NAV2: variants seen among roughly 807,000 people sequenced by gnomAD.
The protein encoded by NAV2 is neuron navigator 2, also known as helicase, APC down-regulated 1.
NAV2 carries 54 observed loss-of-function variants against 223.2 expected under a neutral mutation model. The observed-to-expected ratio is 0.24, with a 90% confidence interval of 0.19 to 0.30. NAV2 has a LOEUF of 0.30. NAV2 is among the 10% of genes least tolerant of loss of function. The probability of loss-of-function intolerance (pLI) is 1.00; values close to 1 mark genes in which losing one functional copy is unlikely to be tolerated. For missense variants in NAV2, 2,806 were observed against 3,147.5 expected (o/e 0.89, Z 2.60); for synonymous variants, 1,279 against 1,239.3 (o/e 1.03, Z -0.67).
intron 1 of NAV2, among the ~76,000 whole-genome samples, chr11:19,532,814 A>G (rs1448206326): frequency 1.3e-5 from 2 of 152,226 alleles, no homozygotes; most frequent in Non-Finnish European, 2.9e-5. Context: ...TGTCCCACAT[A>G]CAAGGGGAAG....
rs184108605 is a variant in NAV2, at chr11:19,800,812, A to G, written c.268-31672A>G. 7.0e-4 allele frequency among the ~76,000 whole-genome samples: 106 copies of G among 152,194 alleles called. 2 individuals are homozygous for G. Among genetic ancestry groups the G allele is most frequent in the Admixed American group, 3.9e-3 (59 of 15,300 alleles). On this transcript the variant is annotated intron_variant, in intron 1 of 37. Transcript: ENST00000349880. The stretch of plus-strand genomic sequence containing the variant: ...TAAAATGTGAAGGTGTGTGGAAGCA[A>G]CATTGGGTTCTCCAAAAACCTGGGA...
chr11:19,375,722 A>G (rs1026458354), intron 1 of NAV2, among the ~76,000 whole-genome samples: 4 of 152,114 alleles, frequency 2.6e-5, no homozygotes, highest in Non-Finnish European at 5.9e-5. Context: ...CCGTCACACT[A>G]CCTAATAAAA....
Position 20,036,011 on chromosome 11 carries a change from C to T in NAV2, c.2821C>T (p.Leu941Phe), listed in dbSNP as rs1317009919. The T allele has an allele frequency of 5.6e-6, 9 of 1,614,068 alleles. No homozygotes were observed. The highest frequency in any genetic ancestry group is 7.6e-6 in the Non-Finnish European group (9 of 1,180,028). ...CGGCATCAGCGACACCATAGACAAC[C>T]TCAGCACTGATGACATCAACACCAG... Reference protein sequence around the residue: ...SSGISDTIDNLSTDDINTSSS... With the variant: ...SSGISDTIDNFSTDDINTSSS... Residue 941 changes from leucine (L) to phenylalanine (F), a missense_variant, in exon 12 of 38, where the codon CTC (leucine) becomes TTC (phenylalanine). Leu to Phe is a conservative substitution (Grantham distance 22, BLOSUM62 0). Around this residue, in one of 4 missense-constraint regions of NAV2, gnomAD observed 73 missense variants for 119.7 expected, o/e 0.61. Transcript: ENST00000349880.
chr11:19,351,134 C>A (rs1277320146), intron 1 of NAV2: 3 of 1,152,932 alleles, frequency 2.6e-6, no homozygotes, highest in Admixed American at 2.0e-5. Flanking sequence ...GTCTTTCTCT[C>A]CGGAAGGAGG....
At chr11:20,081,972 C>T (rs73429383) in intron 25 of NAV2, among the ~76,000 whole-genome samples, 8,965 of 151,762 alleles carry the variant, frequency 0.059, 544 homozygotes, top group African/African-American at 0.16. Context: ...GCAACAGAGG[C>T]GGGGGGGAAA....
At chr11:19,888,207 G>A (rs2041192296) in intron 5 of NAV2, among the ~76,000 whole-genome samples, 1 of 152,160 alleles carries the variant, frequency 6.6e-6, no homozygotes, top group African/African-American at 2.4e-5. Flanking sequence ...ATTTGTAATT[G>A]TGTTTGGACA....
intron 1 of NAV2, among the ~76,000 whole-genome samples, chr11:19,434,665 T>C (rs1458733869): frequency 6.6e-6 from 1 of 152,224 alleles, no homozygotes; most frequent in Non-Finnish European, 1.5e-5. Context: ...GGCATTTTCC[T>C]CTTTTGCAAA....
At chr11:19,451,507 G>C (rs1402136188) in intron 1 of NAV2, among the ~76,000 whole-genome samples, 1 of 152,106 alleles carries the variant, frequency 6.6e-6, no homozygotes, top group Non-Finnish European at 1.5e-5. Flanking sequence ...CTCTGTGCTG[G>C]GCTCTAAACA....
chr11:20,004,396 C>T (rs984236738), intron 11 of NAV2, among the ~76,000 whole-genome samples: 2 of 152,178 alleles, frequency 1.3e-5, no homozygotes, highest in Non-Finnish European at 2.9e-5. Context: ...GTCCTGGTCT[C>T]TCCTCTCCCC....
chr11:19,941,025 A>G (rs1002899540), intron 8 of NAV2, among the ~76,000 whole-genome samples: 8 of 152,164 alleles, frequency 5.3e-5, no homozygotes, highest in Admixed American at 2.6e-4. Flanking sequence ...AGCGAGGCCA[A>G]CGCTTCAGAT....
Position 19,647,530 on chromosome 11 carries a change from A to T in NAV2, c.76-184954A>T, listed in dbSNP as rs1300265185. On this transcript the variant is annotated intron_variant, in intron 1 of 37. Coordinates refer to the NAV2 transcript ENST00000360655. ...GCAGATGCATGACCCCCTTCTAGAG[A>T]TGAGGAAACCGAGGCTTGGGAAGGC... Among the ~76,000 whole-genome samples the T allele has an allele frequency of 3.3e-5, 5 of 152,156 alleles. No homozygotes were observed. The East Asian group carries it at 9.7e-4, about 30-fold the overall frequency.
chr11:20,040,976 G>A (rs2056865307), intron 12 of NAV2, among the ~76,000 whole-genome samples: 1 of 152,132 alleles, frequency 6.6e-6, no homozygotes, highest in Non-Finnish European at 1.5e-5. Context: ...TGTGATGGCT[G>A]GATGATTGTT....
chr11:19,490,066 G>C (rs911435283), intron 1 of NAV2, among the ~76,000 whole-genome samples: 1 of 152,150 alleles, frequency 6.6e-6, no homozygotes, highest in African/African-American at 2.4e-5. Context: ...AGATGCAATA[G>C]CATTATTTCT....
chr11:19,909,211 G>A (rs2043116210), intron 6 of NAV2, among the ~76,000 whole-genome samples: 1 of 152,076 alleles, frequency 6.6e-6, no homozygotes, highest in South Asian at 2.1e-4. Context: ...AAGAATTTCT[G>A]GTCCTCCTTT....
chr11:19,956,396 G>GCTCT lies in NAV2; in HGVS notation c.2645+7331_2645+7334dup, dbSNP rs1295110922. Among the ~76,000 whole-genome samples the GCTCT allele has an allele frequency of 1.5e-3, 218 of 148,942 alleles. 1 individual carries two copies. Among genetic ancestry groups the GCTCT allele is most frequent in the African/African-American group, 4.9e-3 (198 of 40,746 alleles). On this transcript the variant is annotated intron_variant, in intron 10 of 37. Coordinates refer to ENST00000349880, the MANE Select transcript of NAV2 (RefSeq NM_145117.5). ...CACACACACACACACACACACACAC[G>GCTCT]CTCTCTCTCTCTCTCTCTATCTCTC...
intron 1 of NAV2, among the ~76,000 whole-genome samples, chr11:19,426,197 A>T (rs546824371): frequency 2.6e-4 from 39 of 152,266 alleles, no homozygotes; most frequent in African/African-American, 9.1e-4. Flanking sequence ...CAGTGCTCCT[A>T]GCGTCTCAAG....
intron 1 of NAV2, among the ~76,000 whole-genome samples, chr11:19,491,914 T>C (rs886239038): frequency 6.6e-6 from 1 of 151,776 alleles, no homozygotes; most frequent in Admixed American, 6.6e-5. Flanking sequence ...TTAATTGGCC[T>C]AATTTTAGTA....
chr11:20,062,473 G>T (rs1238816569), intron 20 of NAV2, 114 bp downstream of exon 20: 3 of 764,836 alleles, frequency 3.9e-6, no homozygotes, highest in Non-Finnish European at 4.2e-6. Context: ...TCCATTATAA[G>T]GGGATCAATT....
At chr11:19,922,074 T>A (rs2044323754) in intron 6 of NAV2, among the ~76,000 whole-genome samples, 1 of 152,070 alleles carries the variant, frequency 6.6e-6, no homozygotes, top group Non-Finnish European at 1.5e-5. Context: ...TTTTCCACAA[T>A]TGCTGTAAAT....
Sources: allele counts gnomAD v4.1 joint callset (sites outside exome capture counted in the v4.1 genomes callset), GRCh38; gene constraint gnomAD v4.1.1; regional missense constraint gnomAD v4.1.1; transcripts MANE v1.5; gene names NCBI Gene and HGNC (gene_info 2026-07-23, HGNC 2026-07-21).